Variants in CACNA1E observed in about 807,000 individuals in gnomAD.
The protein encoded by CACNA1E is calcium voltage-gated channel subunit alpha1 E.
A neutral mutation model predicts 259.2 loss-of-function variants in CACNA1E; 40 were observed. The observed-to-expected ratio is 0.15, with a 90% CI of 0.12 to 0.20. The LOEUF (loss-of-function observed/expected upper bound fraction) is 0.20, where lower values mean the gene tolerates loss of function less well. Ranked by LOEUF, CACNA1E falls within the 10% of genes least tolerant of loss-of-function variation. CACNA1E has a pLI of 1.00. For synonymous variants in CACNA1E, 1,104 were observed against 1,138.5 expected (o/e 0.97, Z 0.61); for missense variants, 1,874 against 3,040.1 (o/e 0.62, Z 9.02).
rs1292721229 is a variant in CACNA1E at position 181,772,257 on chromosome 1, G to A, written c.5139+26G>A. 2 of 1,604,202 alleles carry A rather than the reference G, an allele frequency of 1.2e-6. 1 individual carries two copies. The highest frequency in any genetic ancestry group is 2.2e-5 in the South Asian group (2 of 89,482). ...GTGAGCAACATTGTGCTTTTGCCTT[G>A]CTATGTGGCCCATCCCATCCTACCC... On this transcript the variant is annotated intron_variant, in intron 37 of 47. Coordinates refer to ENST00000367573, the MANE Select transcript of CACNA1E (RefSeq NM_001205293.3).
intron 3 of CACNA1E, among the ~76,000 whole-genome samples, chr1:181,549,531 A>G (rs936134920): frequency 1.3e-5 from 2 of 152,212 alleles, no homozygotes; most frequent in African/African-American, 4.8e-5. Context: ...GGCTGCTTTC[A>G]CATTCATTCA....
intron 3 of CACNA1E, among the ~76,000 whole-genome samples, chr1:181,529,543 A>C (rs1045959487): frequency 6.6e-6 from 1 of 152,156 alleles, no homozygotes; most frequent in Admixed American, 6.5e-5. Flanking sequence ...GACACTCAAC[A>C]CCAGCCCATG....
At chr1:181,451,973 C>A (rs528241192) in intron 2 of CACNA1E, among the ~76,000 whole-genome samples, 4 of 152,136 alleles carry the variant, frequency 2.6e-5, no homozygotes, top group Admixed American at 2.6e-4. Context: ...TTGGGGTAGG[C>A]GAGATAAATG....
At position 181,799,626 on chromosome 1, in the gene CACNA1E, G is replaced by T. The variant is rs914317493; in HGVS notation, c.*792G>T. ...AGGAAGTCCCCCAGGGTCCACAAAG[G>T]TGCCTGAGGCTCTGGTAAGGGTGAA... On this transcript the variant is annotated 3_prime_UTR_variant, in exon 48 of 48. Coordinates refer to ENST00000367573, the MANE Select transcript of CACNA1E (RefSeq NM_001205293.3). 2 of 152,648 alleles carry T rather than the reference G, an allele frequency of 1.3e-5. No individual in the cohort carries two copies. The highest frequency in any genetic ancestry group is 4.8e-5 in the African/African-American group (2 of 41,482). The allele number at this position is 152,648 out of a possible 1,614,324, so 9.5% of individuals were successfully genotyped here.
At chr1:181,580,830 G>A in intron 6 of CACNA1E, 54 bp downstream of exon 6, 1 of 1,553,306 alleles carries the variant, frequency 6.4e-7, no homozygotes, top group Non-Finnish European at 8.9e-7. Flanking sequence ...CTGGATGGAG[G>A]CTTCTGTGGT....
chr1:181,626,222 G>A (rs141256841), intron 6 of CACNA1E, among the ~76,000 whole-genome samples: 10 of 152,224 alleles, frequency 6.6e-5, no homozygotes, highest in Admixed American at 2.6e-4. Context: ...ACAGAAACAC[G>A]AAGCGAGCAT....
At chr1:181,725,511 A>C (rs532413596) in intron 17 of CACNA1E, among the ~76,000 whole-genome samples, 10 of 152,324 alleles carry the variant, frequency 6.6e-5, no homozygotes, top group Admixed American at 6.5e-4. Context: ...TAGTCATTTT[A>C]CCTGAGCTGG....
chr1:181,576,102 G>A (rs918114224), intron 3 of CACNA1E, among the ~76,000 whole-genome samples: 1 of 152,192 alleles, frequency 6.6e-6, no homozygotes, highest in Admixed American at 6.5e-5. Flanking sequence ...TCTGACGACG[G>A]CATGGAAGTG....
At chr1:181,428,647 T>C (rs1659483549) in intron 2 of CACNA1E, among the ~76,000 whole-genome samples, 1 of 152,126 alleles carries the variant, frequency 6.6e-6, no homozygotes, top group African/African-American at 2.4e-5. Context: ...TTTGTGATTC[T>C]GGTTCTGCTG....
chr1:181,673,662 A>C lies in CACNA1E; in HGVS notation c.1055+22221A>C, dbSNP rs183063419. On this transcript the variant is annotated intron_variant, in intron 7 of 47. Transcript: ENST00000367573. ...GAAAGAGGACATCCCTTATAGGGCC[A>C]GCGGATGGAAGCCATGGGCTGGGCA... Among the ~76,000 whole-genome samples, 1,502 of 152,300 alleles carry C rather than the reference A, an allele frequency of 9.9e-3. 13 individuals carry two copies. The highest frequency in any genetic ancestry group is 0.015 in the Non-Finnish European group (1,019 of 68,032).
At chr1:181,643,937 G>A (rs1445816129) in intron 6 of CACNA1E, among the ~76,000 whole-genome samples, 1 of 152,174 alleles carries the variant, frequency 6.6e-6, no homozygotes, top group African/African-American at 2.4e-5. Context: ...GACTTAGTAT[G>A]TTTATTAAAT....
chr1:181,674,888 C>T (rs759308419), intron 7 of CACNA1E, among the ~76,000 whole-genome samples: 70 of 152,220 alleles, frequency 4.6e-4, no homozygotes, highest in Non-Finnish European at 7.9e-4. Context: ...GGGTGACTGC[C>T]TTTCTTAGGT....
intron 7 of CACNA1E, among the ~76,000 whole-genome samples, chr1:181,686,478 G>T (rs1259115712): frequency 2.0e-5 from 3 of 151,754 alleles, no homozygotes; most frequent in Non-Finnish European, 2.9e-5. Context: ...TAGAGATGGG[G>T]TTTCTCCATG....
At chr1:181,620,232 G>A (rs548866905) in intron 6 of CACNA1E, among the ~76,000 whole-genome samples, 2 of 152,202 alleles carry the variant, frequency 1.3e-5, no homozygotes, top group South Asian at 4.1e-4. Context: ...GTGAGGGAAG[G>A]GGGTGGATCA....
At chr1:181,608,249 G>T (rs192748995) in intron 6 of CACNA1E, among the ~76,000 whole-genome samples, 1 of 152,186 alleles carries the variant, frequency 6.6e-6, no homozygotes, top group Admixed American at 6.5e-5. Context: ...AGTGTGGATG[G>T]GTATTATTTG....
chr1:181,373,224 T>C (rs911214580), intron 1 of CACNA1E, among the ~76,000 whole-genome samples: 4 of 152,162 alleles, frequency 2.6e-5, no homozygotes, highest in Non-Finnish European at 5.9e-5. Context: ...AGCTCCTTCA[T>C]TGTATTTGTG....
chr1:181,721,902 A>C (rs762594986), intron 16 of CACNA1E, 27 bp downstream of exon 16: 1 of 1,391,358 alleles, frequency 7.2e-7, no homozygotes, highest in Non-Finnish European at 1.0e-6. Flanking sequence ...GCACCTCCTC[A>C]AGCTGCCTGC....
At chr1:181,330,948 G>A (rs78293922) in intron 1 of CACNA1E, among the ~76,000 whole-genome samples, 2,340 of 152,270 alleles carry the variant, frequency 0.015, 73 homozygotes, top group African/African-American at 0.054. Context: ...GCAAGGGATT[G>A]TACTGAGCTC....
chr1:181,790,069 CTTAATAT>C (rs1353728271), intron 43 of CACNA1E, among the ~76,000 whole-genome samples: 3 of 152,180 alleles, frequency 2.0e-5, no homozygotes, highest in African/African-American at 7.2e-5. Flanking sequence ...TCCATGGCTG[CTTAATAT>C]TTAAACAAAC....
Sources: allele counts gnomAD v4.1 joint callset (sites outside exome capture counted in the v4.1 genomes callset), GRCh38; gene constraint gnomAD v4.1.1; transcripts MANE v1.5; gene names NCBI Gene and HGNC (gene_info 2026-07-23, HGNC 2026-07-21).